Variants in SHOX observed in about 807,000 individuals in gnomAD.
The protein encoded by SHOX is short stature homeobox protein.
In SHOX, 12 loss-of-function variants were observed where a neutral mutation model predicts 29.6. The observed-to-expected ratio is 0.41, with a 90% CI of 0.26 to 0.66. The LOEUF (loss-of-function observed/expected upper bound fraction) is 0.66, where lower values mean the gene tolerates loss of function less well. Among genes scored for constraint, SHOX ranks in the 30% least tolerant of loss-of-function variants. The probability of loss-of-function intolerance (pLI) is 0.35; values close to 1 mark genes in which losing one functional copy is unlikely to be tolerated. For missense variants in SHOX, 499 were observed against 437.7 expected, an observed-to-expected ratio of 1.14 and a Z score of -1.25; for synonymous variants, 214 against 200.6, an observed-to-expected ratio of 1.07 and a Z score of -0.57.
At chrX:652,893 G>T (rs1004891504), downstream of SHOX, among the ~76,000 whole-genome samples, 2 of 88,350 alleles carry the variant, frequency 2.3e-5, no homozygotes, top group Admixed American at 2.3e-4. Context: ...CTGTTTTTTA[G>T]GGGCAAACGC....
At position 635,506 on chromosome X, in the gene SHOX, AC is replaced by A. The variant is rs1480218438; in HGVS notation, c.486+685del. 1.7e-4 allele frequency among the ~76,000 whole-genome samples: 25 copies of A among 151,472 alleles called. No individual in the cohort carries two copies. In the South Asian group the frequency reaches 5.3e-3, roughly 32 times the overall value. On this transcript the variant is annotated intron_variant, in intron 2 of 4. Coordinates refer to ENST00000686671, the MANE Select transcript of SHOX (RefSeq NM_000451.4). ...CCAGCCCTGTCCTCTGCTACAAACC[AC>A]CCCCTCCTCCCTCCGGCTGTGGGGA...
chrX:627,203 C>G (rs1481310444), upstream of SHOX, among the ~76,000 whole-genome samples: 1 of 152,166 alleles, frequency 6.6e-6, no homozygotes, highest in Admixed American at 6.5e-5. Context: ...AATGTCAATG[C>G]AAAACATTTC....
upstream of SHOX, chrX:630,532 G>A (rs1458817316): frequency 7.3e-6 from 3 of 410,520 alleles, no homozygotes; most frequent in South Asian, 5.3e-5. Context: ...GGGGGCTCGG[G>A]CGCCTGCGCC....
At position 644,678 on chromosome X, in the gene SHOX, G is replaced by A. The variant is rs1035346101; in HGVS notation, c.*42G>A. 2.9e-6 allele frequency: 4 copies of A among 1,396,148 alleles called. No individual in the cohort carries two copies. The African/African-American group carries it at 6.1e-5, about 21-fold the overall frequency. 86.5% of individuals were successfully genotyped at this position (1,396,148 alleles called of 1,614,324 possible). ...CCGCGCGCCCGGACTCCCGGGCTCC[G>A]CGCACCCCGCCTGCACCGCGCGTCC... On this transcript the variant is annotated 3_prime_UTR_variant, in exon 5 of 5. Transcript: ENST00000686671.
chrX:651,115 TCC>T lies in SHOX; in HGVS notation c.*6480_*6481del. 8 of 348,712 alleles carry T rather than the reference TCC, an allele frequency of 2.3e-5. No individual in the cohort carries two copies. The highest frequency in any genetic ancestry group is 2.3e-5 in the South Asian group (1 of 43,430). 21.6% of individuals were successfully genotyped at this position (348,712 alleles called of 1,614,324 possible). A position where few individuals can be genotyped will look rare whatever the true frequency, so the allele number is the denominator to read the frequency against. ...TGTGCATTTGTTATTTATTTTTTTT[TCC>T]TTGGTCGGACGTTCATAAATATGTA... On this transcript the variant is annotated 3_prime_UTR_variant, in exon 5 of 5. Transcript: ENST00000686671.
chrX:634,631 C>G lies in SHOX; in HGVS notation c.291C>G (p.Cys97Trp). 3 of 1,613,714 alleles carry G rather than the reference C, an allele frequency of 1.9e-6. No homozygotes were observed. Among genetic ancestry groups the G allele is most frequent in the Non-Finnish European group, 2.5e-6 (3 of 1,179,860 alleles). ...TARVAEGIYECKEKREDVKSE... is the reference protein window; with the variant it reads ...TARVAEGIYEWKEKREDVKSE... The stretch of plus-strand genomic sequence containing the variant: ...CTCCCCACGCAGGGATTTATGAATG[C>G]AAAGAGAAGCGCGAGGACGTGAAGT... The change falls in exon 2 of 5, where the codon TGC (cysteine) becomes TGG (tryptophan). Residue 97 changes from cysteine (C) to tryptophan (W), a missense_variant. Physicochemically the swap from Cys to Trp is radical, Grantham distance 215. Transcript: ENST00000686671.
chrX:627,682 T>A (rs564750235), upstream of SHOX, among the ~76,000 whole-genome samples: 7 of 152,308 alleles, frequency 4.6e-5, no homozygotes, highest in East Asian at 9.7e-4. Flanking sequence ...ACACAGCTCC[T>A]GACTGGTGTC....
In SHOX at chrX:649,122, C is replaced by G. The variant is rs942333531; in HGVS notation, c.*4486C>G. The stretch of plus-strand genomic sequence containing the variant: ...GTGCAATCCCAGCTCACTGCATCCT[C>G]TACCTCCTGGCTTCAAGAAATTCTC... On this transcript the variant is annotated 3_prime_UTR_variant, in exon 5 of 5. Coordinates refer to ENST00000686671, the MANE Select transcript of SHOX (RefSeq NM_000451.4). Among the ~76,000 whole-genome samples, 11 of 151,964 alleles carry G rather than the reference C, an allele frequency of 7.2e-5. No homozygotes were observed. Among genetic ancestry groups the G allele is most frequent in the African/African-American group, 2.4e-4 (10 of 41,358 alleles).
intron 2 of SHOX, among the ~76,000 whole-genome samples, chrX:638,023 G>T (rs1465745568): frequency 1.3e-5 from 2 of 152,170 alleles, no homozygotes; most frequent in Non-Finnish European, 2.9e-5. Context: ...ATGGCGCAGA[G>T]CTAAATTAAA....
chrX:627,542 G>C (rs191058119), upstream of SHOX, among the ~76,000 whole-genome samples: 1 of 152,298 alleles, frequency 6.6e-6, no homozygotes, highest in East Asian at 1.9e-4. Context: ...TGTTGGAAAG[G>C]CAGAAAGTGT....
chrX:658,044 G>A (rs750476161), intron 5 of SHOX, among the ~76,000 whole-genome samples: 12 of 151,456 alleles, frequency 7.9e-5, no homozygotes, highest in East Asian at 2.0e-4. Context: ...GCGTGATCTC[G>A]GCTCACTGCA....
At chrX:625,605 C>G (rs1445021708) in intron 1 of SHOX, among the ~76,000 whole-genome samples, 4 of 149,952 alleles carry the variant, frequency 2.7e-5, no homozygotes, top group Middle Eastern at 3.2e-3. Flanking sequence ...TCTCTCCTCT[C>G]TCTCTTTTTC....
chrX:625,729 T>TCCC (rs1288591573), intron 1 of SHOX, among the ~76,000 whole-genome samples: 1 of 124,760 alleles, frequency 8.0e-6, no homozygotes, highest in East Asian at 2.5e-4. Flanking sequence ...CTCTCTCTCC[T>TCCC]CTCTCTCTGT....
chrX:641,103 T>C lies in SHOX; in HGVS notation c.633+16T>C, dbSNP rs1270824686. On this transcript the variant is annotated intron_variant, in intron 4 of 4. Coordinates refer to ENST00000686671, the MANE Select transcript of SHOX (RefSeq NM_000451.4). ...TTTCCAACAGGTAGCTCACTTTTTCTTCCTCTGAAGATCCCTAGGGACCTG... is the reference window on the plus strand; with the variant it reads ...TTTCCAACAGGTAGCTCACTTTTTCCTCCTCTGAAGATCCCTAGGGACCTG... 6.2e-7 allele frequency: 1 copy of C among 1,612,402 alleles called. No homozygotes were observed. The highest frequency in any genetic ancestry group is 8.5e-7 in the Non-Finnish European group (1 of 1,178,660).
At chrX:631,676 CATG>C (rs1216737231) in intron 1 of SHOX, among the ~76,000 whole-genome samples, 12 of 152,340 alleles carry the variant, frequency 7.9e-5, no homozygotes, top group African/African-American at 2.9e-4. Context: ...GGATTACAGG[CATG>C]CACCACCACG....
downstream of SHOX, among the ~76,000 whole-genome samples, chrX:651,610 C>A (rs2053065535): frequency 7.7e-6 from 1 of 129,868 alleles, no homozygotes; most frequent in Admixed American, 7.9e-5. Context: ...AAAAAAAATT[C>A]TCAACCTCTC....
At position 641,096 on chromosome X, in the gene SHOX, C is replaced by G. The variant is rs764008981; in HGVS notation, c.633+9C>G. 6.2e-7 allele frequency: 1 copy of G among 1,613,270 alleles called. No homozygotes were observed. The highest frequency in any genetic ancestry group is 1.3e-5 in the African/African-American group (1 of 74,884). ...GGATGCCTTTCCAACAGGTAGCTCA[C>G]TTTTTCTTCCTCTGAAGATCCCTAG... On this transcript the variant is annotated intron_variant, in intron 4 of 4. Coordinates refer to ENST00000686671, the MANE Select transcript of SHOX (RefSeq NM_000451.4).
intron 2 of SHOX, among the ~76,000 whole-genome samples, chrX:639,456 C>G (rs905915648): frequency 1.3e-5 from 2 of 152,170 alleles, no homozygotes; most frequent in African/African-American, 2.4e-5. Context: ...GTGTCAAGAG[C>G]TAGATTGGAG....
Position 650,261 on chromosome X carries a change from G to C in SHOX, c.*5625G>C, listed in dbSNP as rs891536360. On this transcript the variant is annotated 3_prime_UTR_variant, in exon 5 of 5. Coordinates refer to ENST00000686671, the MANE Select transcript of SHOX (RefSeq NM_000451.4). Reference sequence around the variant, plus strand: ...ACAAAGCTGGTGGTGCGACGGGCTTGGTGTCTCCCGTACGGGAAGGAGGCC... The same window carrying C: ...ACAAAGCTGGTGGTGCGACGGGCTTCGTGTCTCCCGTACGGGAAGGAGGCC... Among the ~76,000 whole-genome samples the C allele has an allele frequency of 6.6e-6, 1 of 152,182 alleles. No individual in the cohort carries two copies. The highest frequency in any genetic ancestry group is 2.4e-5 in the African/African-American group (1 of 41,458).
Sources: allele counts gnomAD v4.1 joint callset (sites outside exome capture counted in the v4.1 genomes callset), GRCh38; gene constraint gnomAD v4.1.1; transcripts MANE v1.5; gene names NCBI Gene and HGNC (gene_info 2026-07-23, HGNC 2026-07-21).